DAAM1: variants seen among roughly 807,000 people sequenced by gnomAD.
The protein encoded by DAAM1 is disheveled-associated activator of morphogenesis 1.
In DAAM1, 52 loss-of-function variants were observed where a neutral mutation model predicts 130.0. That is an observed-to-expected ratio of 0.40 (90% CI 0.32 to 0.50). DAAM1 has a LOEUF of 0.50. DAAM1 is among the 20% of genes least tolerant of loss of function. The pLI, the probability that DAAM1 is intolerant of heterozygous loss-of-function variation, is 0.61. For missense variants in DAAM1, 1,134 were observed against 1,303.8 expected, an observed-to-expected ratio of 0.87 and a Z score of 2.01; for synonymous variants, 452 against 444.5, an observed-to-expected ratio of 1.02 and a Z score of -0.21.
chr14:59,314,338 A>C (rs1192530304), intron 3 of DAAM1, among the ~76,000 whole-genome samples: 1 of 152,194 alleles, frequency 6.6e-6, no homozygotes, highest in African/African-American at 2.4e-5. Context: ...TAAAGAACCA[A>C]AATTTTCCTT....
At position 59,277,061 on chromosome 14, in the gene DAAM1, CTATT is replaced by C. The variant is rs1883002672; in HGVS notation, c.183+13402_183+13405del. Among the ~76,000 whole-genome samples, 3 of 152,266 alleles carry C rather than the reference CTATT, an allele frequency of 2.0e-5. No individual in the cohort carries two copies. In the South Asian group the frequency reaches 6.2e-4, roughly 32 times the overall value. Reference sequence around the variant, plus strand: ...AACTTGTATTTTATCTCATTGAAATCTATTGATTAGGTAGATTTTCAAATAATAA... The same window carrying C: ...AACTTGTATTTTATCTCATTGAAATCGATTAGGTAGATTTTCAAATAATAA... On this transcript the variant is annotated intron_variant, in intron 2 of 24. Transcript: ENST00000360909.
chr14:59,363,655 T>C lies in DAAM1; in HGVS notation c.2699T>C (p.Leu900Pro). 6.2e-7 allele frequency: 1 copy of C among 1,614,104 alleles called. No individual in the cohort carries two copies. The highest frequency in any genetic ancestry group is 8.5e-7 in the Non-Finnish European group (1 of 1,179,966). ...RSGLKAVETE[L>P]EYQKSQPPQP... is the part of the protein sequence containing the mutation. ...TATTCATTTCCTGTGTTTAAGGAGC[T>C]GGAATATCAGAAGTCTCAGCCCCCA... is the stretch of plus-strand genomic sequence containing the variant. The change falls in exon 23 of 25, where the codon CTG (leucine) becomes CCG (proline). Residue 900 changes from leucine (L) to proline (P), a missense_variant. Physicochemically the swap from Leu to Pro is moderately conservative, Grantham distance 98. This residue lies in a region of DAAM1 where 644 missense variants were observed against 695.9 expected (regional missense o/e 0.93). Transcript: ENST00000360909.
At chr14:59,212,829 T>C (rs1487765300) in intron 1 of DAAM1, among the ~76,000 whole-genome samples, 3 of 152,230 alleles carry the variant, frequency 2.0e-5, no homozygotes, top group African/African-American at 7.2e-5. Context: ...TCGCAGTGGC[T>C]CCCAATCTTT....
rs538385727 is a variant in DAAM1 at position 59,200,952 on chromosome 14, G to C, written c.-38+12184G>C. 5.8e-4 allele frequency among the ~76,000 whole-genome samples: 89 copies of C among 152,212 alleles called. No individual in the cohort carries two copies. The Middle Eastern group carries it at 0.017, about 29-fold the overall frequency. On this transcript the variant is annotated intron_variant, in intron 1 of 24. Coordinates refer to ENST00000360909, the MANE Select transcript of DAAM1 (RefSeq NM_001270520.2). The stretch of plus-strand genomic sequence containing the variant: ...CAAGGCGGGCGGATCACGAGGTCAG[G>C]AGATCGAGACCATCCTGGCTAACAT...
chr14:59,248,543 G>A (rs139266294), intron 1 of DAAM1, among the ~76,000 whole-genome samples: 7 of 152,246 alleles, frequency 4.6e-5, no homozygotes, highest in African/African-American at 1.4e-4. Flanking sequence ...CTTTCTTGCC[G>A]CCGCTGGTAA....
At chr14:59,306,165 A>G (rs553092393) in intron 3 of DAAM1, among the ~76,000 whole-genome samples, 2 of 152,264 alleles carry the variant, frequency 1.3e-5, no homozygotes, top group East Asian at 3.9e-4. Flanking sequence ...AAAGACTTAG[A>G]ACCTATTGTT....
At chr14:59,196,279 A>G (rs181170154) in intron 1 of DAAM1, among the ~76,000 whole-genome samples, 19 of 152,352 alleles carry the variant, frequency 1.2e-4, no homozygotes, top group African/African-American at 4.6e-4. Context: ...ATTATTCACC[A>G]GATGAGATAG....
chr14:59,344,582 A>G (rs572523798), intron 16 of DAAM1, among the ~76,000 whole-genome samples: 1 of 152,284 alleles, frequency 6.6e-6, no homozygotes, highest in East Asian at 1.9e-4. Context: ...CCCTTAAGGT[A>G]GGGTTTCTTT....
chr14:59,189,337 C>T (rs970200026), intron 1 of DAAM1, among the ~76,000 whole-genome samples: 1 of 152,236 alleles, frequency 6.6e-6, no homozygotes, highest in Non-Finnish European at 1.5e-5. Flanking sequence ...AGGGACGGAG[C>T]GCCTGTAATT....
chr14:59,189,508 C>T (rs951700920), intron 1 of DAAM1, among the ~76,000 whole-genome samples: 1 of 152,098 alleles, frequency 6.6e-6, no homozygotes, highest in Non-Finnish European at 1.5e-5. Context: ...CGGGAGGGCG[C>T]ATCTCAGTCT....
intron 2 of DAAM1, among the ~76,000 whole-genome samples, chr14:59,276,253 T>A (rs570047976): frequency 6.6e-6 from 1 of 152,364 alleles, no homozygotes; most frequent in South Asian, 2.1e-4. Context: ...TTATCATAGC[T>A]TAATAGTACA....
At chr14:59,302,697 A>C (rs1389398026) in intron 3 of DAAM1, among the ~76,000 whole-genome samples, 1 of 152,094 alleles carries the variant, frequency 6.6e-6, no homozygotes, top group Non-Finnish European at 1.5e-5. Flanking sequence ...TCTGTCACCC[A>C]CACTGGAGTG....
chr14:59,273,616 T>C (rs532136985), intron 2 of DAAM1, among the ~76,000 whole-genome samples: 1 of 152,328 alleles, frequency 6.6e-6, no homozygotes, highest in South Asian at 2.1e-4. Flanking sequence ...GTCCTTATAC[T>C]ACCATATACA....
At chr14:59,349,440 T>C (rs1886203746) in intron 17 of DAAM1, among the ~76,000 whole-genome samples, 1 of 152,290 alleles carries the variant, frequency 6.6e-6, no homozygotes, top group African/African-American at 2.4e-5. Context: ...AGGATATTTT[T>C]TGACCTGGCC....
chr14:59,282,134 A>T (rs576865351), intron 2 of DAAM1, among the ~76,000 whole-genome samples: 1 of 152,256 alleles, frequency 6.6e-6, no homozygotes, highest in Admixed American at 6.5e-5. Flanking sequence ...ACCTTTCCCC[A>T]TAACAAGTGG....
rs773240761 is a variant in DAAM1, at chr14:59,355,321, C to T, written c.2513C>T (p.Ser838Phe). Residue 838 changes from serine (S) to phenylalanine (F), a missense_variant, in exon 20 of 25, where the codon TCC (serine) becomes TTC (phenylalanine). Transcript: ENST00000360909. Reference sequence around the variant, plus strand: ...CTAAACAAAATTGCTGACACAAAATCCAGCATCGACAAGTAAGTATGAGAT... The same window carrying T: ...CTAAACAAAATTGCTGACACAAAATTCAGCATCGACAAGTAAGTATGAGAT... ...SSLNKIADTK[S>F]SIDKNITLLH... 1 of 1,613,940 alleles carries T rather than the reference C, an allele frequency of 6.2e-7. No individual in the cohort carries two copies. Among genetic ancestry groups the T allele is most frequent in the Non-Finnish European group, 8.5e-7 (1 of 1,179,954 alleles).
At chr14:59,350,193 C>T (rs1282137683) in intron 17 of DAAM1, among the ~76,000 whole-genome samples, 1 of 152,096 alleles carries the variant, frequency 6.6e-6, no homozygotes, top group Non-Finnish European at 1.5e-5. Context: ...TCTGTCTTCC[C>T]CCACTTCCGT....
intron 1 of DAAM1, among the ~76,000 whole-genome samples, chr14:59,207,000 CAA>C (rs961474294): frequency 5.9e-5 from 9 of 152,104 alleles, no homozygotes; most frequent in African/African-American, 2.2e-4. Context: ...GAATAATTCT[CAA>C]AGAGTTTAAA....
chr14:59,305,410 G>T (rs886673018), intron 3 of DAAM1, among the ~76,000 whole-genome samples: 2 of 152,198 alleles, frequency 1.3e-5, no homozygotes, highest in Non-Finnish European at 2.9e-5. Flanking sequence ...AGATGTTGGA[G>T]TTGTACTGCT....
Sources: gnomAD v4.1 joint callset for allele counts (sites outside exome capture counted in the v4.1 genomes callset) on GRCh38, gnomAD v4.1.1 for gene constraint, gnomAD v4.1.1 regional missense constraint, MANE v1.5 for transcripts, NCBI Gene and HGNC (gene_info 2026-07-23, HGNC 2026-07-21) for gene names.